The following TCF12 variants were observed in gnomAD, a reference collection of about 807,000 sequenced individuals.
The protein encoded by TCF12 is DNA-binding protein HTF4.
TCF12 carries 45 observed loss-of-function variants against 86.0 expected under a neutral mutation model. That is an observed-to-expected ratio of 0.52 (90% confidence interval 0.41 to 0.67). The LOEUF is 0.67. TCF12 is among the 30% of genes least tolerant of loss of function. The pLI is 0.00. For synonymous variants in TCF12, 330 were observed against 299.6 expected (o/e 1.10, Z -1.05); for missense variants, 881 against 859.9 (o/e 1.02, Z -0.31).
At position 57,083,192 on chromosome 15, in the gene TCF12, A is replaced by G. The variant is rs2048419814; in HGVS notation, c.223-8597A>G. On this transcript the variant is annotated intron_variant, in intron 4 of 20. Transcript: ENST00000333725. ...TTTGCTTCTAATGGGAATTATAATT[A>G]CATAGGGGTTTAAACTATACTGGTA... Among the ~76,000 whole-genome samples the G allele has an allele frequency of 3.3e-5, 5 of 152,340 alleles. 1 individual carries two copies. In the South Asian group the frequency reaches 1.0e-3, roughly 32 times the overall value.
chr15:57,257,687 A>G (rs1364579330), intron 16 of TCF12, among the ~76,000 whole-genome samples: 5 of 145,178 alleles, frequency 3.4e-5, no homozygotes, highest in Admixed American at 1.4e-4. Flanking sequence ...GTGTATATAT[A>G]TATATATATA....
chr15:57,166,585 AC>A, intron 6 of TCF12, 119 bp downstream of exon 6: 1 of 900,502 alleles, frequency 1.1e-6, no homozygotes, highest in Non-Finnish European at 1.6e-6. Flanking sequence ...TTAATTTGTA[AC>A]TAAGTGTTGT....
At chr15:57,135,968 A>T (rs1051328414) in intron 5 of TCF12, among the ~76,000 whole-genome samples, 16 of 152,166 alleles carry the variant, frequency 1.1e-4, no homozygotes, top group Non-Finnish European at 2.2e-4. Flanking sequence ...ATGCTAAAAA[A>T]AACTAGCTGA....
chr15:57,142,304 T>TATAGATAGATAGATAGATAGATAGATAG (rs60126987), intron 5 of TCF12, among the ~76,000 whole-genome samples: 114 of 149,724 alleles, frequency 7.6e-4, no homozygotes, highest in Non-Finnish European at 9.5e-4. Context: ...CTCACACTTT[T>TATAGATAGATAGATAGATAGATAGATAG]ATAGATAGAT....
intron 8 of TCF12, among the ~76,000 whole-genome samples, chr15:57,199,877 T>G (rs139615632): frequency 6.6e-6 from 1 of 152,136 alleles, no homozygotes; most frequent in African/African-American, 2.4e-5. Context: ...CTCAGGGTCT[T>G]TTTGTTTTAT....
chr15:57,238,877 G>T (rs1382013742), intron 12 of TCF12, among the ~76,000 whole-genome samples: 3 of 152,178 alleles, frequency 2.0e-5, no homozygotes, highest in Non-Finnish European at 4.4e-5. Context: ...GAGAAGTTCA[G>T]ACTATTTTCT....
At chr15:56,922,742 T>G (rs950263307) in intron 3 of TCF12, among the ~76,000 whole-genome samples, 2 of 151,998 alleles carry the variant, frequency 1.3e-5, no homozygotes, top group Non-Finnish European at 2.9e-5. Context: ...TACAAAAAAT[T>G]GTAATAAAAA....
At chr15:57,015,307 A>C (rs1359465118) in intron 3 of TCF12, among the ~76,000 whole-genome samples, 2 of 152,036 alleles carry the variant, frequency 1.3e-5, no homozygotes, top group African/African-American at 4.8e-5. Context: ...ACCAAAACCA[A>C]AATTCAGATG....
At chr15:56,940,320 C>T (rs1455361783) in intron 3 of TCF12, among the ~76,000 whole-genome samples, 5 of 152,012 alleles carry the variant, frequency 3.3e-5, no homozygotes, top group African/African-American at 1.2e-4. Context: ...TTATTTAATA[C>T]TCTAAATCGT....
At chr15:57,102,163 T>C (rs1355435204) in intron 5 of TCF12, among the ~76,000 whole-genome samples, 6 of 152,238 alleles carry the variant, frequency 3.9e-5, no homozygotes, top group East Asian at 1.9e-4. Context: ...TAAGTACTTA[T>C]ATATCATTGA....
intron 3 of TCF12, among the ~76,000 whole-genome samples, chr15:56,934,988 CTTGAAGATCTA>C (rs2060405427): frequency 6.6e-6 from 1 of 152,198 alleles, no homozygotes. Flanking sequence ...CTAATGCTTT[CTTGAAGATCTA>C]TCTTAAATTG....
chr15:57,029,696 G>A (rs2066030719), intron 3 of TCF12, among the ~76,000 whole-genome samples: 1 of 152,086 alleles, frequency 6.6e-6, no homozygotes, highest in Admixed American at 6.6e-5. Flanking sequence ...ATATAGTTCT[G>A]TTACCCTATA....
intron 4 of TCF12, among the ~76,000 whole-genome samples, chr15:57,076,524 G>A (rs1357221563): frequency 6.6e-6 from 1 of 151,784 alleles, no homozygotes; most frequent in Admixed American, 6.6e-5. Flanking sequence ...GTGGTGGCAG[G>A]CGCCTGTAGT....
At chr15:57,089,589 T>G (rs77962369) in intron 4 of TCF12, among the ~76,000 whole-genome samples, 6 of 137,014 alleles carry the variant, frequency 4.4e-5, no homozygotes, top group Non-Finnish European at 7.5e-5. Context: ...AAATAGTTTT[T>G]TTTTTTTTTT....
intron 6 of TCF12, among the ~76,000 whole-genome samples, chr15:57,176,848 G>T (rs1183586552): frequency 1.3e-5 from 2 of 152,162 alleles, no homozygotes; most frequent in African/African-American, 4.8e-5. Flanking sequence ...AGAAAAGGAG[G>T]TTATGTCAAA....
intron 5 of TCF12, among the ~76,000 whole-genome samples, chr15:57,108,999 A>G (rs1226579076): frequency 6.6e-6 from 1 of 152,232 alleles, no homozygotes; most frequent in Non-Finnish European, 1.5e-5. Flanking sequence ...AGTGTGGATG[A>G]GTCCTTGGGA....
intron 5 of TCF12, among the ~76,000 whole-genome samples, chr15:57,100,776 T>C (rs183626074): frequency 1.3e-5 from 2 of 152,336 alleles, no homozygotes; most frequent in Non-Finnish European, 2.9e-5. Flanking sequence ...AGTGAAGAAT[T>C]AGCAGTAGCT....
In TCF12 at chr15:57,180,806, A is replaced by ATTTTTTTTTTT. The variant is rs34557385; in HGVS notation, c.391-11336_391-11326dup. Among the ~76,000 whole-genome samples the ATTTTTTTTTTT allele has an allele frequency of 5.2e-4, 43 of 82,128 alleles. 6 individuals carry two copies. The highest frequency in any genetic ancestry group is 1.1e-3 in the African/African-American group (22 of 19,518). 53.9% of individuals were successfully genotyped at this position (82,128 alleles called of 152,430 possible). On this transcript the variant is annotated intron_variant, in intron 6 of 20. Transcript: ENST00000333725. The stretch of plus-strand genomic sequence containing the variant: ...TTTTAATCATAAAATGATGCTAATA[A>ATTTTTTTTTTT]TTTTTTTTTTTTTTTTTTTTTTTTT...
intron 3 of TCF12, among the ~76,000 whole-genome samples, chr15:57,030,259 ATCATGG>A (rs1348591937): frequency 6.6e-5 from 10 of 151,990 alleles, no homozygotes; most frequent in African/African-American, 2.4e-4. Context: ...GATTAATTGA[ATCATGG>A]TCTTGCGCTG....
Sources: gnomAD v4.1 joint callset for allele counts (sites outside exome capture counted in the v4.1 genomes callset) on GRCh38, gnomAD v4.1.1 for gene constraint, MANE v1.5 for transcripts, NCBI Gene and HGNC (gene_info 2026-07-23, HGNC 2026-07-21) for gene names.